The following ALKBH8 variants were observed in gnomAD, a reference collection of about 807,000 sequenced individuals.
The protein encoded by ALKBH8 is alkB homolog 8, tRNA methyltransferase.
In ALKBH8, 36 loss-of-function variants were observed where a neutral mutation model predicts 59.8. The ratio of observed to expected loss-of-function variants is 0.60; its 90% CI spans 0.46 to 0.79. ALKBH8 has a LOEUF of 0.79. Among genes scored for constraint, ALKBH8 ranks in the 30% least tolerant of loss-of-function variants. The pLI, the probability that ALKBH8 is intolerant of heterozygous loss-of-function variation, is 0.00. For synonymous variants in ALKBH8, 276 were observed against 273.6 expected (o/e 1.01, Z -0.09); for missense variants, 768 against 801.0 (o/e 0.96, Z 0.50).
intron 10 of ALKBH8, among the ~76,000 whole-genome samples, chr11:107,517,359 C>T (rs2135488054): frequency 6.6e-6 from 1 of 152,220 alleles, no homozygotes; most frequent in South Asian, 2.1e-4. Context: ...AGTATGGAAG[C>T]TTCACAGACA....
intron 7 of ALKBH8, among the ~76,000 whole-genome samples, chr11:107,538,257 T>C (rs912807757): frequency 1.3e-5 from 2 of 152,124 alleles, no homozygotes; most frequent in Admixed American, 1.3e-4. Context: ...ACTTATAAAA[T>C]TAAATGTAGA....
intron 7 of ALKBH8, among the ~76,000 whole-genome samples, chr11:107,548,877 G>GT (rs1864376875): frequency 6.7e-6 from 1 of 149,910 alleles, no homozygotes; most frequent in African/African-American, 2.5e-5. Flanking sequence ...TTGAGTCAGA[G>GT]TCTCACTCTG....
chr11:107,562,859 G>A (rs1864992455), intron 1 of ALKBH8: 1 of 152,214 alleles, frequency 6.6e-6, no homozygotes. Context: ...AGAGGAGAAA[G>A]AGGAAGGGTG....
intron 5 of ALKBH8, 79 bp downstream of exon 5, chr11:107,553,029 A>G (rs1591319282): frequency 2.4e-6 from 2 of 827,798 alleles, no homozygotes; most frequent in Non-Finnish European, 3.6e-6. Context: ...CAAAAGAAAC[A>G]TAATCCCCCA....
At chr11:107,553,807 C>A in intron 4 of ALKBH8, 40 bp downstream of exon 4, 1 of 1,585,138 alleles carries the variant, frequency 6.3e-7, no homozygotes. Context: ...AAGAGTTTTG[C>A]AGAAACTTTC....
intron 3 of ALKBH8, among the ~76,000 whole-genome samples, chr11:107,554,933 C>A (rs1002466961): frequency 3.9e-5 from 6 of 152,150 alleles, no homozygotes; most frequent in African/African-American, 1.2e-4. Flanking sequence ...TTATTCAGTG[C>A]TGCCTGGTAG....
chr11:107,537,090 T>C (rs1565333730), intron 7 of ALKBH8, among the ~76,000 whole-genome samples: 1 of 152,220 alleles, frequency 6.6e-6, no homozygotes, highest in Non-Finnish European at 1.5e-5. Context: ...TCCTGAAAAT[T>C]CATAATTCCA....
chr11:107,515,329 G>T (rs1016384123), intron 10 of ALKBH8, among the ~76,000 whole-genome samples: 24 of 152,250 alleles, frequency 1.6e-4, no homozygotes, highest in African/African-American at 5.3e-4. Context: ...GAAGATCAAT[G>T]ACATTAAAAC....
At chr11:107,555,990 T>G (rs1406451876) in intron 3 of ALKBH8, among the ~76,000 whole-genome samples, 1 of 152,130 alleles carries the variant, frequency 6.6e-6, no homozygotes, top group African/African-American at 2.4e-5. Flanking sequence ...CATAAAGTTT[T>G]AGGAATCAGC....
At chr11:107,510,694 G>C (rs1307545131) in intron 11 of ALKBH8, among the ~76,000 whole-genome samples, 193 bp downstream of exon 11, 1 of 152,204 alleles carries the variant, frequency 6.6e-6, no homozygotes, top group African/African-American at 2.4e-5. Context: ...TCAGGCCTCT[G>C]TTTAAGTAGA....
intron 10 of ALKBH8, among the ~76,000 whole-genome samples, chr11:107,518,903 C>T (rs611755): frequency 3.2e-4 from 48 of 152,306 alleles, no homozygotes; most frequent in African/African-American, 1.1e-3. Flanking sequence ...ATTCCTCTAG[C>T]ACCACTAGGT....
intron 7 of ALKBH8, among the ~76,000 whole-genome samples, chr11:107,538,733 A>C (rs140935494): frequency 6.6e-6 from 1 of 152,350 alleles, no homozygotes; most frequent in East Asian, 1.9e-4. Flanking sequence ...GAATAAACAG[A>C]TCTCCATGTT....
Position 107,510,939 on chromosome 11 carries a change from C to T in ALKBH8, c.1385G>A (p.Gly462Glu). 6.4e-7 allele frequency: 1 copy of T among 1,551,680 alleles called. No homozygotes were observed. Among genetic ancestry groups the T allele is most frequent in the Non-Finnish European group, 8.7e-7 (1 of 1,146,946 alleles). Reference sequence around the variant, plus strand: ...AATGGAGATGCAGGCATCACAAGACCCACTGCGGACTGGTACTGCCAATGC... The same window carrying T: ...AATGGAGATGCAGGCATCACAAGACTCACTGCGGACTGGTACTGCCAATGC... ...CDALAVPVRS[G>E]SCDACISIAV... Residue 462 changes from glycine to glutamate, a missense_variant, in exon 11 of 12, where the codon GGG (glycine) becomes GAG (glutamate). Coordinates refer to ENST00000428149, the MANE Select transcript of ALKBH8 (RefSeq NM_138775.3).
At chr11:107,529,904 G>A (rs921703262) in intron 8 of ALKBH8, among the ~76,000 whole-genome samples, 2 of 152,116 alleles carry the variant, frequency 1.3e-5, no homozygotes, top group African/African-American at 4.8e-5. Context: ...AATGACAACT[G>A]ATGCTCAGCC....
chr11:107,537,151 A>C (rs1213492442), intron 7 of ALKBH8, among the ~76,000 whole-genome samples: 2 of 152,264 alleles, frequency 1.3e-5, no homozygotes, highest in East Asian at 3.8e-4. Context: ...AAGGTGCACA[A>C]ATCAAGAAGT....
At chr11:107,538,636 A>G (rs1358386617) in intron 7 of ALKBH8, among the ~76,000 whole-genome samples, 1 of 152,230 alleles carries the variant, frequency 6.6e-6, no homozygotes, top group Non-Finnish European at 1.5e-5. Flanking sequence ...TCACACATCC[A>G]AAATACAAGA....
Position 107,565,717 on chromosome 11 carries a change from G to T in ALKBH8, c.-123C>A, listed in dbSNP as rs1047057709. 1 of 1,522,802 alleles carries T rather than the reference G, an allele frequency of 6.6e-7. No homozygotes were observed. Among genetic ancestry groups the T allele is most frequent in the African/African-American group, 1.4e-5 (1 of 72,900 alleles). The allele number at this position is 1,522,802 out of a possible 1,614,324, so 94.3% of individuals were successfully genotyped here. ...CTTGCACGCCATCTCCCCTGGGCGC[G>T]GCCATGTTGGAGAAAACTGCACTAC... is the stretch of plus-strand genomic sequence containing the variant. On this transcript the variant is annotated 5_prime_UTR_variant, in exon 1 of 12. Coordinates refer to ENST00000428149, the MANE Select transcript of ALKBH8 (RefSeq NM_138775.3).
intron 8 of ALKBH8, among the ~76,000 whole-genome samples, chr11:107,528,089 T>C (rs945170155): frequency 3.3e-5 from 5 of 152,110 alleles, no homozygotes; most frequent in Non-Finnish European, 5.9e-5. Flanking sequence ...TCCTCCTTTA[T>C]TCCTTTAACG....
rs1442554751 is a variant in ALKBH8 at position 107,560,902 on chromosome 11, G to GT, written c.-6-4dup. ...TGATGGTTGCTGTCCATAGCAAACT[G>GT]TAAAAAAACAAGACAGTAAAAAAGT... On this transcript the variant is annotated splice_region_variant and splice_polypyrimidine_tract_variant and intron_variant, in intron 1 of 11. Transcript: ENST00000428149. 1 of 1,600,610 alleles carries GT rather than the reference G, an allele frequency of 6.2e-7. No individual in the cohort carries two copies. Among genetic ancestry groups the GT allele is most frequent in the Non-Finnish European group, 8.5e-7 (1 of 1,175,140 alleles).
Sources: gnomAD v4.1 joint callset for allele counts (sites outside exome capture counted in the v4.1 genomes callset) on GRCh38, gnomAD v4.1.1 for gene constraint, MANE v1.5 for transcripts, NCBI Gene and HGNC (gene_info 2026-07-23, HGNC 2026-07-21) for gene names.